The following MGST1 variants were observed in gnomAD, a reference collection of about 807,000 sequenced individuals.
The protein encoded by MGST1 is microsomal glutathione S-transferase 1.
A neutral mutation model predicts 8.9 loss-of-function variants in MGST1; 5 were observed. The ratio of observed to expected loss-of-function variants is 0.56; its 90% CI spans 0.29 to 1.19. The LOEUF (loss-of-function observed/expected upper bound fraction) is 1.19. Among genes scored for constraint, MGST1 ranks in the 50% most tolerant of loss-of-function variants. MGST1 has a pLI of 0.08. For synonymous variants in MGST1, 54 were observed against 67.8 expected (o/e 0.80, Z 1.00); for missense variants, 182 against 187.4 (o/e 0.97, Z 0.17).
At chr12:16,429,095 A>G (rs1369618606) in intron 1 of MGST1, among the ~76,000 whole-genome samples, 1 of 152,084 alleles carries the variant, frequency 6.6e-6, no homozygotes, top group Non-Finnish European at 1.5e-5. Context: ...TTTTTTGAAC[A>G]TCGTTAAATT....
At chr12:16,504,657 A>G (rs903731650) in intron 4 of MGST1, among the ~76,000 whole-genome samples, 1 of 152,156 alleles carries the variant, frequency 6.6e-6, no homozygotes. Flanking sequence ...AGAATTTCCT[A>G]ATAGGTAGGG....
At chr12:16,487,851 C>T (rs1196230424) in intron 4 of MGST1, among the ~76,000 whole-genome samples, 1 of 151,976 alleles carries the variant, frequency 6.6e-6, no homozygotes, top group East Asian at 1.9e-4. Flanking sequence ...GATGGGGTCT[C>T]ACTATGTTGC....
chr12:16,396,057 T>C (rs1348719308), intron 1 of MGST1, among the ~76,000 whole-genome samples: 9 of 152,134 alleles, frequency 5.9e-5, no homozygotes, highest in Admixed American at 5.9e-4. Context: ...TGTACTAGTT[T>C]ATATTCCCAC....
chr12:16,419,773 G>T (rs766745860), intron 1 of MGST1, among the ~76,000 whole-genome samples: 1 of 152,112 alleles, frequency 6.6e-6, no homozygotes, highest in African/African-American at 2.4e-5. Context: ...TTTGATGGCC[G>T]TAATCTTTGC....
chr12:16,583,033 C>A (rs1565500725), intron 4 of MGST1, among the ~76,000 whole-genome samples: 1 of 114,348 alleles, frequency 8.7e-6, no homozygotes, highest in South Asian at 3.1e-4. Context: ...GGTGACAGTG[C>A]GAGACTCCGC....
intron 4 of MGST1, among the ~76,000 whole-genome samples, chr12:16,461,118 CTAAGT>C (rs1477577969): frequency 1.3e-5 from 2 of 149,170 alleles, no homozygotes; most frequent in Non-Finnish European, 3.0e-5. Context: ...TTGGAGACAA[CTAAGT>C]TAAGAGGATA....
downstream of MGST1, among the ~76,000 whole-genome samples, chr12:16,592,360 A>G (rs1943521179): frequency 6.6e-6 from 1 of 152,018 alleles, no homozygotes; most frequent in Non-Finnish European, 1.5e-5. Flanking sequence ...GGTCACAGAA[A>G]ATACTGGCTT....
chr12:16,358,735 T>A (rs1939843726), intron 3 of MGST1, among the ~76,000 whole-genome samples: 1 of 149,022 alleles, frequency 6.7e-6, no homozygotes, highest in Non-Finnish European at 1.5e-5. Flanking sequence ...CCCAAAGTGC[T>A]GGGATTACAG....
intron 4 of MGST1, among the ~76,000 whole-genome samples, chr12:16,539,193 T>C (rs1941778004): frequency 6.6e-6 from 1 of 152,180 alleles, no homozygotes. Context: ...ATATAATCTA[T>C]CACTCTGAAC....
Position 16,482,607 on chromosome 12 carries a change from G to T in MGST1, n.482+99003G>T, listed in dbSNP as rs1333701184. Reference sequence around the variant, plus strand: ...GATCACGCCACTGCACTCCAGCCTGGGTTACAGAGCAAGACTCTGTCTGGA... The same window carrying T: ...GATCACGCCACTGCACTCCAGCCTGTGTTACAGAGCAAGACTCTGTCTGGA... On this transcript the variant is annotated intron_variant and non_coding_transcript_variant, in intron 4 of 4. Coordinates refer to the MGST1 transcript ENST00000538857. The surrounding 1 kb of genome is among the most constrained non-coding windows in gnomAD (Gnocchi z 4.2). Among the ~76,000 whole-genome samples the T allele has an allele frequency of 6.6e-6, 1 of 151,066 alleles. No homozygotes were observed. The highest frequency in any genetic ancestry group is 6.6e-5 in the Admixed American group (1 of 15,088).
At chr12:16,447,823 A>C (rs1215976970) in intron 4 of MGST1, among the ~76,000 whole-genome samples, 1 of 151,986 alleles carries the variant, frequency 6.6e-6, no homozygotes, top group East Asian at 1.9e-4. Flanking sequence ...GCCTACAAAG[A>C]GTTCCTTTAT....
At chr12:16,569,371 G>A (rs1415991072) in intron 4 of MGST1, among the ~76,000 whole-genome samples, 1 of 152,172 alleles carries the variant, frequency 6.6e-6, no homozygotes, top group Non-Finnish European at 1.5e-5. Flanking sequence ...GACTGACAGA[G>A]GGTAATGGCT....
rs563856189 is a variant in MGST1 at position 16,472,349 on chromosome 12, A to G, written n.482+88745A>G. On this transcript the variant is annotated intron_variant and non_coding_transcript_variant, in intron 4 of 4. Coordinates refer to the MGST1 transcript ENST00000538857. ...ATTTTTTGGGATAATATGTTTGTAA[A>G]CATATTTACTACAAAAATCAAGAGT... Among the ~76,000 whole-genome samples, 10 of 152,158 alleles carry G rather than the reference A, an allele frequency of 6.6e-5. No homozygotes were observed. The South Asian group carries it at 2.1e-3, about 32-fold the overall frequency.
chr12:16,583,034 G>A (rs942299276), intron 4 of MGST1, among the ~76,000 whole-genome samples: 27 of 118,234 alleles, frequency 2.3e-4, no homozygotes, highest in African/African-American at 8.6e-4. Flanking sequence ...GTGACAGTGC[G>A]AGACTCCGCC....
chr12:16,357,014 T>G (rs748188671), intron 2 of MGST1, among the ~76,000 whole-genome samples: 1 of 152,232 alleles, frequency 6.6e-6, no homozygotes, highest in Non-Finnish European at 1.5e-5. Context: ...CTTAGAATTA[T>G]GCCTTTCCCC....
chr12:16,382,533 T>G (rs947740500), upstream of MGST1, among the ~76,000 whole-genome samples: 2 of 152,076 alleles, frequency 1.3e-5, no homozygotes, highest in Non-Finnish European at 2.9e-5. Flanking sequence ...CCGTGTGAGG[T>G]GTCAGTCCGC....
rs145635225 is a variant in MGST1, at chr12:16,351,114, T to C, written c.-22-3117T>C. Among the ~76,000 whole-genome samples, 520 of 152,346 alleles carry C rather than the reference T, an allele frequency of 3.4e-3. 3 individuals carry two copies. The highest frequency in any genetic ancestry group is 0.012 in the African/African-American group (496 of 41,582). On this transcript the variant is annotated intron_variant, in intron 1 of 3. Transcript: ENST00000396210. ...TTCTGGGAACATTAGTAGAGGCCTA[T>C]AGAGAATGTTTTAGTTTTAAAATTA...
intron 4 of MGST1, among the ~76,000 whole-genome samples, chr12:16,541,290 G>A (rs1232443917): frequency 6.6e-6 from 1 of 151,898 alleles, no homozygotes; most frequent in African/African-American, 2.4e-5. Context: ...GATTAGAAAT[G>A]ATCTTCAGAT....
At chr12:16,390,441 C>T (rs1940541700) in intron 1 of MGST1, among the ~76,000 whole-genome samples, 1 of 152,182 alleles carries the variant, frequency 6.6e-6, no homozygotes, top group African/African-American at 2.4e-5. Context: ...GCTCCTCTCC[C>T]TCCTGCCACC....
Sources: allele counts gnomAD v4.1 joint callset (sites outside exome capture counted in the v4.1 genomes callset), GRCh38; gene constraint gnomAD v4.1.1; non-coding constraint Gnocchi (gnomAD v3.1); transcripts MANE v1.5; gene names NCBI Gene and HGNC (gene_info 2026-07-23, HGNC 2026-07-21).